GYS2: variants seen among roughly 807,000 people sequenced by gnomAD.
The protein encoded by GYS2 is glycogen synthase 2.
A neutral mutation model predicts 85.6 loss-of-function variants in GYS2; 80 were observed. The observed-to-expected ratio is 0.93, with a 90% CI of 0.78 to 1.13. The LOEUF (loss-of-function observed/expected upper bound fraction) is 1.13. Ranked by LOEUF, GYS2 falls within the 50% of genes most tolerant of loss-of-function variation. The pLI is 0.00. For missense variants in GYS2, 881 were observed against 854.9 expected (o/e 1.03, Z -0.38); for synonymous variants, 328 against 300.7 (o/e 1.09, Z -0.94).
intron 7 of GYS2, among the ~76,000 whole-genome samples, chr12:21,561,806 T>C (rs549544413): frequency 6.6e-6 from 1 of 152,342 alleles, no homozygotes; most frequent in Non-Finnish European, 1.5e-5. Flanking sequence ...ATTTTATTAA[T>C]AAATCGCTTG....
intron 1 of GYS2, among the ~76,000 whole-genome samples, chr12:21,599,112 C>T (rs10734714): frequency 6.6e-6 from 1 of 151,528 alleles, no homozygotes; most frequent in East Asian, 1.9e-4. Context: ...GTCTCTCTCT[C>T]TATATATATG....
rs532683391 is a variant in GYS2 at position 21,558,924 on chromosome 12, A to G, written c.1308+167T>C. Among the ~76,000 whole-genome samples the G allele has an allele frequency of 2.0e-5, 3 of 152,272 alleles. No individual in the cohort carries two copies. In the South Asian group the frequency reaches 6.2e-4, roughly 32 times the overall value. ...ATGTTTTAAAGGAGCTCTTAAAACCACTAATGAAAAAATGTCCAAAGTAAT... is the reference window on the plus strand; with the variant it reads ...ATGTTTTAAAGGAGCTCTTAAAACCGCTAATGAAAAAATGTCCAAAGTAAT... On this transcript the variant is annotated intron_variant, in intron 10 of 15. Transcript: ENST00000261195.
chr12:21,583,735 G>A (rs2136917836), intron 1 of GYS2, among the ~76,000 whole-genome samples: 1 of 152,278 alleles, frequency 6.6e-6, no homozygotes, highest in East Asian at 1.9e-4. Context: ...TTGACTATGA[G>A]TCATCAAGTC....
chr12:21,542,724 C>G, intron 12 of GYS2, 133 bp from the exon 13 acceptor site: 1 of 700,608 alleles, frequency 1.4e-6, no homozygotes, highest in Non-Finnish European at 2.7e-6. Flanking sequence ...ACACTAAACT[C>G]TTTACATGTC....
chr12:21,580,713 T>A (rs147118684), intron 1 of GYS2, among the ~76,000 whole-genome samples, 190 bp from the exon 2 acceptor site: 1,682 of 152,342 alleles, frequency 0.011, 15 homozygotes, highest in Middle Eastern at 0.024. Context: ...TACTGCTTTG[T>A]TCAATTCTGT....
chr12:21,569,199 T>C (rs1385512753), intron 4 of GYS2, among the ~76,000 whole-genome samples, 190 bp from the exon 5 acceptor site: 1 of 152,168 alleles, frequency 6.6e-6, no homozygotes, highest in African/African-American at 2.4e-5. Context: ...TTAAAAGACA[T>C]TGTTTACTCC....
At chr12:21,577,471 C>G (rs1267100562) in intron 2 of GYS2, among the ~76,000 whole-genome samples, 1 of 152,198 alleles carries the variant, frequency 6.6e-6, no homozygotes, top group East Asian at 1.9e-4. Flanking sequence ...TGAGACCAGT[C>G]AGTTCCATTG....
At position 21,576,135 on chromosome 12, in the gene GYS2, T is replaced by C. The variant is rs550100028; in HGVS notation, c.304-78A>G. On this transcript the variant is annotated intron_variant, in intron 2 of 15. Coordinates refer to ENST00000261195, the MANE Select transcript of GYS2 (RefSeq NM_021957.4). ...ACAATGTATTTGCACTCTGAGGATA[T>C]AAACTTTATGTAGTACTCAATAGCA... 1.4e-5 allele frequency: 16 copies of C among 1,163,084 alleles called. No homozygotes were observed. The East Asian group carries it at 1.9e-4, about 14-fold the overall frequency. 72.0% of individuals were successfully genotyped at this position (1,163,084 alleles called of 1,614,324 possible).
chr12:21,579,606 C>G (rs1944485919), intron 2 of GYS2, among the ~76,000 whole-genome samples: 2 of 152,106 alleles, frequency 1.3e-5, no homozygotes, highest in Admixed American at 1.3e-4. Context: ...GGTGATCCAT[C>G]CATCTTGGCC....
rs1944228778 is a variant in GYS2 at position 21,559,723 on chromosome 12, G to T, written c.1170-13C>A. 1.3e-6 allele frequency: 2 copies of T among 1,533,848 alleles called. No individual in the cohort carries two copies. Among genetic ancestry groups the T allele is most frequent in the South Asian group, 1.1e-5 (1 of 89,342 alleles). The stretch of plus-strand genomic sequence containing the variant: ...ATGTGCAACATCCCTGTTTGAAACA[G>T]AAAGATTTATCATTTAAACAGTATG... On this transcript the variant is annotated splice_polypyrimidine_tract_variant and intron_variant, in intron 8 of 15. Coordinates refer to ENST00000261195, the MANE Select transcript of GYS2 (RefSeq NM_021957.4).
intron 1 of GYS2, among the ~76,000 whole-genome samples, chr12:21,581,404 C>T (rs2136914560): frequency 1.3e-5 from 2 of 152,264 alleles, no homozygotes; most frequent in Middle Eastern, 6.8e-3. Flanking sequence ...TGTTCTGTTC[C>T]ATTCTGATGA....
intron 11 of GYS2, among the ~76,000 whole-genome samples, chr12:21,554,889 T>C (rs907562073): frequency 3.3e-5 from 5 of 152,198 alleles, no homozygotes; most frequent in Non-Finnish European, 2.9e-5. Context: ...AGCAAGGCAT[T>C]CTTCATTTAG....
At chr12:21,584,695 A>G (rs1396849043) in intron 1 of GYS2, among the ~76,000 whole-genome samples, 1 of 152,178 alleles carries the variant, frequency 6.6e-6, no homozygotes, top group Non-Finnish European at 1.5e-5. Flanking sequence ...GACCTCTTCC[A>G]TCATGGAAAG....
Position 21,563,998 on chromosome 12 carries a change from A to T in GYS2, c.824-653T>A, listed in dbSNP as rs553091188. Among the ~76,000 whole-genome samples the T allele has an allele frequency of 2.0e-5, 3 of 152,266 alleles. No homozygotes were observed. In the South Asian group the frequency reaches 6.2e-4, roughly 32 times the overall value. On this transcript the variant is annotated intron_variant, in intron 5 of 15. Transcript: ENST00000261195. ...CTCTTATTTCTAACACAACTGATTC[A>T]TTCTTCCCAGGAGATTTTGTTGCTC...
chr12:21,543,471 A>G (rs775728468), intron 12 of GYS2, among the ~76,000 whole-genome samples: 2 of 152,088 alleles, frequency 1.3e-5, no homozygotes. Context: ...CCTCTCCAGA[A>G]ATATTCTTCT....
Position 21,604,821 on chromosome 12 carries a change from AGGACG to A in GYS2, c.-234_-230del. ...CTCGTCTTTCTGGGCAGGTATTGTG[AGGACG>A]GTATCTGCCCTGTCAGTATCTACCC... On this transcript the variant is annotated 5_prime_UTR_variant, in exon 1 of 16. Transcript: ENST00000261195. 1 of 1,301,132 alleles carries A rather than the reference AGGACG, an allele frequency of 7.7e-7. No individual in the cohort carries two copies. The highest frequency in any genetic ancestry group is 3.7e-5 in the East Asian group (1 of 27,354). The allele number at this position is 1,301,132 out of a possible 1,614,324, so 80.6% of individuals were successfully genotyped here. A position where few individuals can be genotyped will look rare whatever the true frequency, so the allele number is the denominator to read the frequency against.
intron 5 of GYS2, among the ~76,000 whole-genome samples, chr12:21,567,626 T>G (rs931668290): frequency 2.6e-5 from 4 of 151,492 alleles, no homozygotes; most frequent in Non-Finnish European, 5.9e-5. Flanking sequence ...ACCACAGAAA[T>G]TAAGCAAGGA....
intron 1 of GYS2, among the ~76,000 whole-genome samples, chr12:21,589,589 G>A (rs189399415): frequency 1.2e-4 from 19 of 152,232 alleles, no homozygotes; most frequent in Admixed American, 8.5e-4. Flanking sequence ...GGCAATGAAG[G>A]GGAGGGAAGC....
chr12:21,592,695 TTTCAACA>T (rs1163581087), intron 1 of GYS2, among the ~76,000 whole-genome samples: 1 of 152,018 alleles, frequency 6.6e-6, no homozygotes, highest in African/African-American at 2.4e-5. Flanking sequence ...TAGTTGGGGA[TTTCAACA>T]TTCTAATCTC....
Sources: gnomAD v4.1 joint callset for allele counts (sites outside exome capture counted in the v4.1 genomes callset) on GRCh38, gnomAD v4.1.1 for gene constraint, MANE v1.5 for transcripts, NCBI Gene and HGNC (gene_info 2026-07-23, HGNC 2026-07-21) for gene names.